Variants in TXNDC17 observed in about 807,000 individuals in gnomAD.
TXNDC17 encodes the protein thioredoxin domain containing 17, also known as thioredoxin domain-containing protein 17.
In TXNDC17, 12 loss-of-function variants were observed where a neutral mutation model predicts 16.3. That is an observed-to-expected ratio of 0.74 (90% CI 0.47 to 1.19). TXNDC17 has a LOEUF of 1.19. Among genes scored for constraint, TXNDC17 ranks in the 50% most tolerant of loss-of-function variants. TXNDC17 has a pLI of 0.00. For missense variants in TXNDC17, 158 were observed against 149.7 expected, an observed-to-expected ratio of 1.06 and a Z score of -0.29; for synonymous variants, 62 against 55.0, an observed-to-expected ratio of 1.13 and a Z score of -0.56.
At position 6,642,317 on chromosome 17, in the gene TXNDC17, A is replaced by G; in HGVS notation, c.296A>G (p.Tyr99Cys). 1 of 1,600,262 alleles carries G rather than the reference A, an allele frequency of 6.2e-7. No individual in the cohort carries two copies. Residue 99 changes from tyrosine (Y) to cysteine (C), a missense_variant, in exon 3 of 4, where the codon TAT becomes TGT. Coordinates refer to ENST00000250101, the MANE Select transcript of TXNDC17 (RefSeq NM_032731.4). ...KVTAVPTLLK[Y>C]GTPQKLVESE... ...ACAGCAGTGCCTACACTACTTAAGTATGGAACAGTAAGTATCTTTAAATAT... is the reference window on the plus strand; with the variant it reads ...ACAGCAGTGCCTACACTACTTAAGTGTGGAACAGTAAGTATCTTTAAATAT...
chr17:6,641,605 A>AAC, intron 1 of TXNDC17, 148 bp from the exon 2 acceptor site: 1 of 793,078 alleles, frequency 1.3e-6, no homozygotes, highest in Non-Finnish European at 2.1e-6. Flanking sequence ...ACCAGAAGGG[A>AAC]ACACCTGACT....
Position 6,643,797 on chromosome 17 carries a change from T to C in TXNDC17, c.*778T>C, listed in dbSNP as rs1972727828. 3.8e-6 allele frequency: 1 copy of C among 263,872 alleles called. No homozygotes were observed. 16.3% of individuals were successfully genotyped at this position (263,872 alleles called of 1,614,324 possible). The stretch of plus-strand genomic sequence containing the variant: ...GGTACCTCCCAAATCAATGGTAGCT[T>C]TCCCAAATGAACACAAGTATTTGAG... On this transcript the variant is annotated 3_prime_UTR_variant, in exon 4 of 4. Coordinates refer to ENST00000250101, the MANE Select transcript of TXNDC17 (RefSeq NM_032731.4).
chr17:6,642,110 G>A (rs1972689546), intron 2 of TXNDC17, 139 bp from the exon 3 acceptor site: 5 of 680,526 alleles, frequency 7.3e-6, no homozygotes, highest in Non-Finnish European at 1.0e-5. Context: ...AGTAGATTAA[G>A]CCATAGTCCG....
At chr17:6,641,667 A>C in intron 1 of TXNDC17, 86 bp from the exon 2 acceptor site, 1 of 1,321,512 alleles carries the variant, frequency 7.6e-7, no homozygotes, top group Non-Finnish European at 1.1e-6. Flanking sequence ...GCTTACCAAG[A>C]CTGGGGGAAG....
At position 6,641,775 on chromosome 17, in the gene TXNDC17, G is replaced by A; in HGVS notation, c.168G>A (p.Gly56=). 1.9e-6 allele frequency: 3 copies of A among 1,614,156 alleles called. No individual in the cohort carries two copies. Among genetic ancestry groups the A allele is most frequent in the Non-Finnish European group, 2.5e-6 (3 of 1,180,036 alleles). The part of the protein sequence containing the change: ...CVQAEPVVRE[G]LKHISEGCVF... The stretch of plus-strand genomic sequence containing the variant: ...AAGCTGAACCAGTCGTACGAGAGGG[G>A]CTGAAGCACATTAGTGAAGGATGTG... The change falls in exon 2 of 4, where the codon GGG becomes GGA. Residue 56 remains glycine (G), a synonymous_variant. Transcript: ENST00000250101.
At chr17:6,642,119 C>G in intron 2 of TXNDC17, 130 bp from the exon 3 acceptor site, 1 of 700,952 alleles carries the variant, frequency 1.4e-6, no homozygotes, top group Non-Finnish European at 2.4e-6. Context: ...AGCCATAGTC[C>G]GCAAGGTTTT....
Position 6,644,458 on chromosome 17 carries a change from T to A in TXNDC17, c.*1439T>A. The A allele has an allele frequency of 6.3e-7, 1 of 1,585,776 alleles. No individual in the cohort carries two copies. The highest frequency in any genetic ancestry group is 8.6e-7 in the Non-Finnish European group (1 of 1,167,618). ...ACATGTATTAAGTGCCTCGTTTGTA[T>A]CCAGTTTTTCATTTTCCCGATGTGT... On this transcript the variant is annotated 3_prime_UTR_variant, in exon 4 of 4. Coordinates refer to ENST00000250101, the MANE Select transcript of TXNDC17 (RefSeq NM_032731.4).
At chr17:6,642,744 G>C in intron 3 of TXNDC17, 1 of 557,432 alleles carries the variant, frequency 1.8e-6, no homozygotes, top group South Asian at 2.2e-5. Flanking sequence ...TGGTATTTGG[G>C]GTTTAAGTCT....
chr17:6,641,151 T>C lies in TXNDC17; in HGVS notation c.69T>C (p.Asn23=). 8 of 1,613,810 alleles carry C rather than the reference T, an allele frequency of 5.0e-6. No homozygotes were observed. The highest frequency in any genetic ancestry group is 5.9e-6 in the Non-Finnish European group (7 of 1,180,016). Residue 23 remains asparagine, a synonymous_variant, in exon 1 of 4, where the codon AAT becomes AAC. Coordinates refer to ENST00000250101, the MANE Select transcript of TXNDC17 (RefSeq NM_032731.4). The part of the protein sequence containing the change: ...EEFHRAVEQH[N]GKTIFAYFTG... ...TCCACCGGGCCGTGGAACAGCACAA[T>C]GGCAAGACCATTTTCGCCTACTTTA... is the stretch of plus-strand genomic sequence containing the variant.
chr17:6,642,215 A>AT (rs760902428), intron 2 of TXNDC17, 34 bp from the exon 3 acceptor site: 2 of 1,490,290 alleles, frequency 1.3e-6, no homozygotes, highest in South Asian at 2.4e-5. Context: ...AACCAAGTAA[A>AT]TTTTTTTCAT....
In TXNDC17 at chr17:6,644,516, T is replaced by C; in HGVS notation, c.*1497T>C. 6.2e-7 allele frequency: 1 copy of C among 1,610,414 alleles called. No homozygotes were observed. The highest frequency in any genetic ancestry group is 8.5e-7 in the Non-Finnish European group (1 of 1,179,104). ...CTGTTGCTGCTCTGCCAAGGCTTGC[T>C]GAAGGCGCATCCGCTTCCGGGAATA... On this transcript the variant is annotated 3_prime_UTR_variant, in exon 4 of 4. Coordinates refer to ENST00000250101, the MANE Select transcript of TXNDC17 (RefSeq NM_032731.4).
In TXNDC17 at chr17:6,641,173, T is replaced by C. The variant is rs1167575491; in HGVS notation, c.91T>C (p.Phe31Leu). Reference protein sequence around the residue: ...QHNGKTIFAYFTGSKDAGGKS... With the variant: ...QHNGKTIFAYLTGSKDAGGKS... ...CAATGGCAAGACCATTTTCGCCTAC[T>C]TTACGGGTTCTAAGGACGCCGGGGG... Residue 31 changes from phenylalanine to leucine, a missense_variant, in exon 1 of 4, where the codon TTT becomes CTT. By Grantham distance (22) the Phe-to-Leu change is conservative. Coordinates refer to ENST00000250101, the MANE Select transcript of TXNDC17 (RefSeq NM_032731.4). 1.2e-6 allele frequency: 2 copies of C among 1,613,752 alleles called. No homozygotes were observed. The highest frequency in any genetic ancestry group is 3.3e-5 in the Admixed American group (2 of 60,028).
In TXNDC17 at chr17:6,644,261, A is replaced by T. The variant is rs1972735692; in HGVS notation, c.*1242A>T. 1.7e-6 allele frequency: 1 copy of T among 586,004 alleles called. No individual in the cohort carries two copies. The highest frequency in any genetic ancestry group is 2.7e-6 in the Non-Finnish European group (1 of 371,756). 36.3% of individuals were successfully genotyped at this position (586,004 alleles called of 1,614,324 possible). ...AATGCGTAAAAAAGAAAAACACCTT[A>T]CAAATCCACAGGGAAATCAAAGAAC... On this transcript the variant is annotated 3_prime_UTR_variant, in exon 4 of 4. Coordinates refer to ENST00000250101, the MANE Select transcript of TXNDC17 (RefSeq NM_032731.4).
intron 3 of TXNDC17, 90 bp downstream of exon 3, chr17:6,642,414 T>G: frequency 1.1e-6 from 1 of 880,254 alleles, no homozygotes; most frequent in Non-Finnish European, 1.8e-6. Flanking sequence ...ATCTTGACAT[T>G]TCATCTCAAT....
intron 3 of TXNDC17, 193 bp downstream of exon 3, chr17:6,642,517 A>T: frequency 2.0e-6 from 1 of 509,366 alleles, no homozygotes; most frequent in Non-Finnish European, 3.5e-6. Context: ...GGTCTTTTTC[A>T]TGTTAAGTCA....
chr17:6,641,169 C>T lies in TXNDC17; in HGVS notation c.87C>T (p.Ala29=), dbSNP rs2090913188. Residue 29 remains alanine, a synonymous_variant, in exon 1 of 4, where the codon GCC becomes GCT. Transcript: ENST00000250101. Reference sequence around the variant, plus strand: ...AGCACAATGGCAAGACCATTTTCGCCTACTTTACGGGTTCTAAGGACGCCG... The same window carrying T: ...AGCACAATGGCAAGACCATTTTCGCTTACTTTACGGGTTCTAAGGACGCCG... ...VEQHNGKTIF[A]YFTGSKDAGG... 13 of 1,613,698 alleles carry T rather than the reference C, an allele frequency of 8.1e-6. No homozygotes were observed. The highest frequency in any genetic ancestry group is 2.2e-5 in the South Asian group (2 of 91,086).
At chr17:6,642,916 G>A (rs772966339) in intron 3 of TXNDC17, 35 bp from the exon 4 acceptor site, 54 of 1,516,716 alleles carry the variant, frequency 3.6e-5, no homozygotes, top group Middle Eastern at 3.5e-4. Context: ...ACGTTTTATA[G>A]AAGTAGTGAA....
At chr17:6,642,795 T>C (rs950893727) in intron 3 of TXNDC17, 156 bp from the exon 4 acceptor site, 1 of 620,356 alleles carries the variant, frequency 1.6e-6, no homozygotes, top group East Asian at 2.8e-5. Context: ...ACAGCAAATA[T>C]ATTGATTCTT....
intron 3 of TXNDC17, 113 bp from the exon 4 acceptor site, chr17:6,642,838 C>G (rs1285650975): frequency 2.6e-6 from 2 of 759,430 alleles, no homozygotes; most frequent in Non-Finnish European, 4.6e-6. Flanking sequence ...ATGATAGTTT[C>G]TGAATTGCGT....
Sources: gnomAD v4.1 joint callset for allele counts on GRCh38, gnomAD v4.1.1 for gene constraint, MANE v1.5 for transcripts, NCBI Gene and HGNC (gene_info 2026-07-23, HGNC 2026-07-21) for gene names.